The following TEK variants were observed in gnomAD, a reference collection of about 807,000 sequenced individuals.
TEK encodes the protein TEK receptor tyrosine kinase.
In TEK, 43 loss-of-function variants were observed where a neutral mutation model predicts 131.8. That is an observed-to-expected ratio of 0.33 (90% CI 0.26 to 0.42). The LOEUF (loss-of-function observed/expected upper bound fraction) is 0.42, where lower values mean the gene tolerates loss of function less well. Among genes scored for constraint, TEK ranks in the 10% least tolerant of loss-of-function variants. TEK has a pLI of 1.00. For synonymous variants in TEK, 580 were observed against 491.6 expected (o/e 1.18, Z -2.38); for missense variants, 1,162 against 1,384.4 (o/e 0.84, Z 2.55).
chr9:27,226,668 A>T (rs1201669241), intron 21 of TEK, among the ~76,000 whole-genome samples: 2 of 152,210 alleles, frequency 1.3e-5, no homozygotes, highest in Non-Finnish European at 2.9e-5. Flanking sequence ...GCACTTGTAT[A>T]CATATGTAAC....
At chr9:27,141,511 C>G (rs1822724318) in intron 1 of TEK, among the ~76,000 whole-genome samples, 1 of 152,014 alleles carries the variant, frequency 6.6e-6, no homozygotes, top group Non-Finnish European at 1.5e-5. Context: ...ATATATGTTA[C>G]TTTTTGCAGT....
chr9:27,154,253 G>A lies in TEK; in HGVS notation c.53-3578G>A, dbSNP rs1164208627. ...ACATAGGTATACACATGCCATGGTGGCTTGCTGCACCCATCAACCTGTCAT... is the reference window on the plus strand; with the variant it reads ...ACATAGGTATACACATGCCATGGTGACTTGCTGCACCCATCAACCTGTCAT... On this transcript the variant is annotated intron_variant, in intron 1 of 22. Coordinates refer to ENST00000380036, the MANE Select transcript of TEK (RefSeq NM_000459.5). 2.0e-5 allele frequency among the ~76,000 whole-genome samples: 3 copies of A among 152,040 alleles called. No individual in the cohort carries two copies. In the East Asian group the frequency reaches 5.8e-4, roughly 29 times the overall value.
At chr9:27,130,848 G>T (rs1474086966) in intron 1 of TEK, among the ~76,000 whole-genome samples, 1 of 151,594 alleles carries the variant, frequency 6.6e-6, no homozygotes, top group African/African-American at 2.4e-5. Context: ...TTACAGGCGT[G>T]AGCCACCGCG....
chr9:27,138,620 G>A (rs7024243), intron 1 of TEK, among the ~76,000 whole-genome samples: 58,822 of 152,042 alleles, frequency 0.39, 12,288 homozygotes, highest in African/African-American at 0.49. Flanking sequence ...TTTATATTCA[G>A]TAGTAAGCAA....
At chr9:27,123,210 G>C (rs1277753184) in intron 1 of TEK, among the ~76,000 whole-genome samples, 1 of 152,044 alleles carries the variant, frequency 6.6e-6, no homozygotes, top group East Asian at 1.9e-4. Context: ...GGGCGGGTAA[G>C]CATAGATTCC....
chr9:27,131,387 T>C (rs1193021766), intron 1 of TEK, among the ~76,000 whole-genome samples: 1 of 149,588 alleles, frequency 6.7e-6, no homozygotes. Flanking sequence ...GCTGAGGAGG[T>C]TGGATCAGCT....
At chr9:27,109,937 T>C (rs1821268658) in intron 1 of TEK, among the ~76,000 whole-genome samples, 1 of 151,752 alleles carries the variant, frequency 6.6e-6, no homozygotes, top group Non-Finnish European at 1.5e-5. Context: ...TCATGCATTA[T>C]TTTCCTGCTC....
intron 1 of TEK, among the ~76,000 whole-genome samples, chr9:27,153,542 T>A (rs1471159066): frequency 1.3e-5 from 2 of 152,254 alleles, no homozygotes; most frequent in Admixed American, 1.3e-4. Context: ...ATATGCATCT[T>A]GTTTCAGCAA....
chr9:27,200,102 G>A (rs956947127), intron 12 of TEK, among the ~76,000 whole-genome samples: 9 of 152,038 alleles, frequency 5.9e-5, no homozygotes, highest in African/African-American at 1.4e-4. Flanking sequence ...CCAATGCCAC[G>A]TATTGAGTAG....
intron 2 of TEK, among the ~76,000 whole-genome samples, chr9:27,159,057 C>T (rs542485466): frequency 4.6e-5 from 7 of 152,260 alleles, no homozygotes; most frequent in African/African-American, 1.7e-4. Context: ...GAGTCTAAGT[C>T]AGCTGTGTTG....
intron 21 of TEK, 87 bp downstream of exon 21, chr9:27,220,232 GTATACAC>G (rs1826008376): frequency 2.4e-6 from 3 of 1,249,310 alleles, no homozygotes; most frequent in African/African-American, 1.5e-5. Context: ...AAGTCAGCCG[GTATACAC>G]TATACACAAA....
chr9:27,156,424 A>T (rs1453809818), intron 1 of TEK, among the ~76,000 whole-genome samples: 1 of 152,026 alleles, frequency 6.6e-6, no homozygotes, highest in Non-Finnish European at 1.5e-5. Context: ...GAGAGTGTAT[A>T]GGTATTATAG....
intron 11 of TEK, chr9:27,195,715 C>T: frequency 2.2e-6 from 1 of 455,914 alleles, no homozygotes; most frequent in South Asian, 1.5e-5. Flanking sequence ...GGGAGGAAAC[C>T]AGTGTTAATA....
rs562215536 is a variant in TEK, at chr9:27,225,151, A to C, written c.3201-3055A>C. On this transcript the variant is annotated intron_variant, in intron 21 of 22. Transcript: ENST00000380036. ...AAACATTCCATGCTCATGGACAGGA[A>C]GAATCAATATTGTGAAAATGGCCAC... 5.3e-5 allele frequency among the ~76,000 whole-genome samples: 8 copies of C among 152,370 alleles called. No homozygotes were observed. In the South Asian group the frequency reaches 1.4e-3, roughly 28 times the overall value.
intron 1 of TEK, among the ~76,000 whole-genome samples, chr9:27,131,495 A>G (rs1339378481): frequency 6.6e-6 from 1 of 151,184 alleles, no homozygotes; most frequent in Non-Finnish European, 1.5e-5. Flanking sequence ...AAAAAAAAAA[A>G]AGTTATGATA....
In TEK at chr9:27,190,233, C is replaced by A. The variant is rs547057490; in HGVS notation, c.1328-296C>A. ...GAGAGTGGGCAGGGGCTTAATCACTCAAGGCCTGGCTGGTCACGATATGAA... is the reference window on the plus strand; with the variant it reads ...GAGAGTGGGCAGGGGCTTAATCACTAAAGGCCTGGCTGGTCACGATATGAA... On this transcript the variant is annotated intron_variant, in intron 9 of 22. Coordinates refer to ENST00000380036, the MANE Select transcript of TEK (RefSeq NM_000459.5). Among the ~76,000 whole-genome samples the A allele has an allele frequency of 2.9e-4, 44 of 152,234 alleles. 1 individual carries two copies. The Middle Eastern group carries it at 0.014, about 47-fold the overall frequency.
At chr9:27,211,391 C>T (rs1413971883) in intron 16 of TEK, among the ~76,000 whole-genome samples, 3 of 131,248 alleles carry the variant, frequency 2.3e-5, no homozygotes, top group Admixed American at 7.7e-5. Context: ...TATTACTTTT[C>T]TTTTTTGCTA....
At chr9:27,123,373 G>A (rs567780684) in intron 1 of TEK, among the ~76,000 whole-genome samples, 13 of 152,306 alleles carry the variant, frequency 8.5e-5, no homozygotes, top group African/African-American at 2.4e-4. Flanking sequence ...TGTAAAGGGA[G>A]TAAGGAAAGA....
At chr9:27,161,956 G>A (rs995057188) in intron 2 of TEK, among the ~76,000 whole-genome samples, 14 of 152,234 alleles carry the variant, frequency 9.2e-5, no homozygotes, top group African/African-American at 2.6e-4. Flanking sequence ...ATAATTTTCC[G>A]ACTCAATTGT....
Sources: gnomAD v4.1 joint callset for allele counts (sites outside exome capture counted in the v4.1 genomes callset) on GRCh38, gnomAD v4.1.1 for gene constraint, MANE v1.5 for transcripts, NCBI Gene and HGNC (gene_info 2026-07-23, HGNC 2026-07-21) for gene names.